The following BLTP3B variants were observed in gnomAD, a reference collection of about 807,000 sequenced individuals.
The protein encoded by BLTP3B is bridge-like lipid transfer protein family member 3B, also known as UHRF1 (ICBP90) binding protein 1-like.
At chr12:100,142,781 G>A in the BLTP3B span, 1 of 1,221,216 alleles carries the variant, frequency 8.2e-7, no homozygotes, top group Non-Finnish European at 1.1e-6. Context: ...CCCCGGCCAA[G>A]GCCACAGCCG....
At chr12:100,066,599 C>G in the BLTP3B span, among the ~76,000 whole-genome samples, 1,354 of 151,612 alleles carry the variant, frequency 8.9e-3, 8 homozygotes, top group Non-Finnish European at 0.015. Flanking sequence ...TGAGACCATC[C>G]TGGCTAACAC....
chr12:100,128,499 A>C, the BLTP3B span: 1 of 1,018,716 alleles, frequency 9.8e-7, no homozygotes, highest in Admixed American at 4.1e-5. Flanking sequence ...ATATTCTCAA[A>C]GTATCTTTAT....
chr12:100,057,659 T>C, the BLTP3B span: 6 of 1,613,014 alleles, frequency 3.7e-6, 1 homozygote, highest in South Asian at 4.4e-5. Flanking sequence ...TGGTATCCAA[T>C]GACATTTGTG....
chr12:100,041,429 CTTTTTTTTTTT>C, the BLTP3B span, among the ~76,000 whole-genome samples: 5 of 101,796 alleles, frequency 4.9e-5, no homozygotes, highest in South Asian at 6.4e-4. Context: ...GCTATTGTTA[CTTTTTTTTTTT>C]TTTTTTTTTT....
At chr12:100,067,450 T>C in the BLTP3B span, among the ~76,000 whole-genome samples, 1 of 152,134 alleles carries the variant, frequency 6.6e-6, no homozygotes, top group South Asian at 2.1e-4. Flanking sequence ...ACTGGCAAGA[T>C]TAACCAAGAA....
At chr12:100,082,362 G>C in the BLTP3B span, among the ~76,000 whole-genome samples, 1 of 152,114 alleles carries the variant, frequency 6.6e-6, no homozygotes, top group Non-Finnish European at 1.5e-5. Flanking sequence ...GATGTCTGTT[G>C]ACAGTTTATT....
chr12:100,064,786 G>A, the BLTP3B span, among the ~76,000 whole-genome samples: 5 of 150,530 alleles, frequency 3.3e-5, no homozygotes, highest in African/African-American at 7.3e-5. Context: ...CTGCTAAAAC[G>A]AGCTCAAAAT....
the BLTP3B span, among the ~76,000 whole-genome samples, chr12:100,067,695 A>T: frequency 1.5e-4 from 23 of 152,198 alleles, no homozygotes; most frequent in African/African-American, 5.3e-4. Flanking sequence ...ATGATAATTT[A>T]AAAATTACCA....
chr12:100,059,077 A>T, the BLTP3B span: 1 of 1,614,074 alleles, frequency 6.2e-7, no homozygotes, highest in Non-Finnish European at 8.5e-7. Flanking sequence ...GACTCTGCAT[A>T]TCTTGTTGGT....
At chr12:100,050,608 G>A in the BLTP3B span, among the ~76,000 whole-genome samples, 1 of 152,062 alleles carries the variant, frequency 6.6e-6, no homozygotes, top group Non-Finnish European at 1.5e-5. Flanking sequence ...GGGCTTAAAA[G>A]AAACCATTAG....
chr12:100,037,512 C>G, the BLTP3B span: 11 of 1,533,218 alleles, frequency 7.2e-6, no homozygotes, highest in Non-Finnish European at 8.7e-6. Context: ...CACTTCATCA[C>G]ATTCCATTTT....
chr12:100,063,904 A>G, the BLTP3B span, among the ~76,000 whole-genome samples: 2 of 152,066 alleles, frequency 1.3e-5, no homozygotes, highest in Non-Finnish European at 2.9e-5. Flanking sequence ...ACAAATCACA[A>G]CAGCTCACCA....
At chr12:100,102,358 C>T in the BLTP3B span, among the ~76,000 whole-genome samples, 3 of 151,978 alleles carry the variant, frequency 2.0e-5, no homozygotes, top group Non-Finnish European at 4.4e-5. Flanking sequence ...GGAATCCACC[C>T]GCCTCGGCCT....
the BLTP3B span, among the ~76,000 whole-genome samples, chr12:100,064,971 A>G: frequency 6.6e-6 from 1 of 152,058 alleles, no homozygotes; most frequent in East Asian, 1.9e-4. Flanking sequence ...CAATACTAAC[A>G]TTGAATGTAA....
the BLTP3B span, among the ~76,000 whole-genome samples, chr12:100,087,606 C>G: frequency 6.6e-6 from 1 of 151,996 alleles, no homozygotes; most frequent in Non-Finnish European, 1.5e-5. Context: ...AGGAAGCAGG[C>G]AAAGAATAAA....
At chr12:100,115,044 C>CA in the BLTP3B span, among the ~76,000 whole-genome samples, 9 of 151,506 alleles carry the variant, frequency 5.9e-5, no homozygotes, top group Non-Finnish European at 1.2e-4. Flanking sequence ...CGTAAGGATA[C>CA]AAAAAAAAGG....
At chr12:100,089,556 T>C in the BLTP3B span, among the ~76,000 whole-genome samples, 1 of 151,898 alleles carries the variant, frequency 6.6e-6, no homozygotes, top group East Asian at 1.9e-4. Context: ...CGAGACTCCA[T>C]CTCAAAAAAA....
At chr12:100,123,529 T>C in the BLTP3B span, among the ~76,000 whole-genome samples, 10,327 of 152,168 alleles carry the variant, frequency 0.068, 383 homozygotes, top group South Asian at 0.089. Flanking sequence ...TATCTGGAGA[T>C]GGTATCAGAT....
chr12:100,142,460 G>T, the BLTP3B span: 2 of 1,002,586 alleles, frequency 2.0e-6, no homozygotes, highest in Non-Finnish European at 2.9e-6. Flanking sequence ...CCTCTGCCCC[G>T]GCCAGAGCGG....
Sources: gnomAD v4.1 joint callset for allele counts (sites outside exome capture counted in the v4.1 genomes callset) on GRCh38, gnomAD v4.1.1 for gene constraint, MANE v1.5 for transcripts, NCBI Gene and HGNC (gene_info 2026-07-23, HGNC 2026-07-21) for gene names.